PPIL4: variants seen among roughly 807,000 people sequenced by gnomAD.
PPIL4 encodes the protein peptidyl-prolyl cis-trans isomerase-like 4.
A neutral mutation model predicts 69.1 loss-of-function variants in PPIL4; 50 were observed. That is an observed-to-expected ratio of 0.72 (90% CI 0.58 to 0.92). The LOEUF is 0.92. Ranked by LOEUF, PPIL4 falls within the 40% of genes least tolerant of loss-of-function variation. PPIL4 has a pLI of 0.00. For synonymous variants in PPIL4, 193 were observed against 191.6 expected, an observed-to-expected ratio of 1.01 and a Z score of -0.06; for missense variants, 480 against 587.9, an observed-to-expected ratio of 0.82 and a Z score of 1.90.
At chr6:149,543,425 AACATATATGAG>A (rs1158471194) in intron 1 of PPIL4, among the ~76,000 whole-genome samples, 3 of 152,210 alleles carry the variant, frequency 2.0e-5, no homozygotes, top group African/African-American at 7.2e-5. Context: ...AATAGATTAA[AACATATATGAG>A]ACATTTTAAC....
chr6:149,518,522 G>C (rs1218992406), intron 10 of PPIL4, among the ~76,000 whole-genome samples: 2 of 152,094 alleles, frequency 1.3e-5, no homozygotes, highest in Non-Finnish European at 2.9e-5. Context: ...TGATTGTCAG[G>C]GTTTTAAAGG....
intron 9 of PPIL4, 97 bp downstream of exon 9, chr6:149,525,046 G>A: frequency 3.4e-6 from 2 of 585,852 alleles, no homozygotes; most frequent in Non-Finnish European, 3.0e-6. Context: ...AAAAGAAAGG[G>A]CAACTCTAGA....
Position 149,535,602 on chromosome 6 carries a change from T to C in PPIL4, c.458A>G (p.Asp153Gly). 6.2e-7 allele frequency: 1 copy of C among 1,609,384 alleles called. No homozygotes were observed. The highest frequency in any genetic ancestry group is 1.3e-5 in the African/African-American group (1 of 74,840). Residue 153 changes from aspartate to glycine, a missense_variant, in exon 5 of 13, where the codon GAT (aspartate) becomes GGT (glycine). Asp to Gly is a moderately conservative substitution (Grantham distance 94). Transcript: ENST00000253329. ...FVDKDFVPYQ[D>G]IRINHTVILD... ...TAGCAAATTGTAACCATACCTGATA[T>C]CCTGATATGGTACAAAGTCCTTGTC...
At chr6:149,530,288 T>C (rs1777176242) in intron 7 of PPIL4, among the ~76,000 whole-genome samples, 1 of 152,196 alleles carries the variant, frequency 6.6e-6, no homozygotes, top group African/African-American at 2.4e-5. Context: ...AAAATTGCTC[T>C]ACAAATTGTC....
At chr6:149,537,690 A>G (rs1777298857) in intron 4 of PPIL4, among the ~76,000 whole-genome samples, 1 of 151,456 alleles carries the variant, frequency 6.6e-6, no homozygotes, top group African/African-American at 2.4e-5. Flanking sequence ...TGGGCGACAG[A>G]GCAAGACTCC....
chr6:149,539,887 T>C (rs1216603161), intron 4 of PPIL4, among the ~76,000 whole-genome samples: 1 of 152,172 alleles, frequency 6.6e-6, no homozygotes. Context: ...CCCAGCACTT[T>C]GGGAGGCCAA....
intron 8 of PPIL4, among the ~76,000 whole-genome samples, chr6:149,525,980 T>TC (rs1777099965): frequency 6.6e-6 from 1 of 152,042 alleles, no homozygotes; most frequent in Non-Finnish European, 1.5e-5. Flanking sequence ...ATGCCTGTAG[T>TC]CCCAGCTACT....
chr6:149,507,338 T>C (rs946395817), intron 12 of PPIL4, among the ~76,000 whole-genome samples: 12 of 152,248 alleles, frequency 7.9e-5, no homozygotes, highest in African/African-American at 2.9e-4. Flanking sequence ...ATTTGTGATT[T>C]TCCACACAAT....
chr6:149,512,900 G>A (rs575211645), intron 11 of PPIL4, among the ~76,000 whole-genome samples: 5 of 151,566 alleles, frequency 3.3e-5, no homozygotes, highest in East Asian at 3.9e-4. Context: ...ATGCCACCAC[G>A]CCTGACTAAT....
intron 3 of PPIL4, 80 bp from the exon 4 acceptor site, chr6:149,541,139 A>G: frequency 1.4e-6 from 1 of 729,684 alleles, no homozygotes; most frequent in Non-Finnish European, 2.2e-6. Flanking sequence ...AGGGTTATCA[A>G]TTATTTCTTT....
At position 149,540,593 on chromosome 6, in the gene PPIL4, G is replaced by T. The variant is rs545152758; in HGVS notation, c.321+349C>A. Among the ~76,000 whole-genome samples the T allele has an allele frequency of 7.9e-5, 12 of 152,286 alleles. No homozygotes were observed. In the South Asian group the frequency reaches 2.3e-3, roughly 29 times the overall value. On this transcript the variant is annotated intron_variant, in intron 4 of 12. Coordinates refer to ENST00000253329, the MANE Select transcript of PPIL4 (RefSeq NM_139126.4). ...ATTGTGCCATCGCACTCCAGTCTGGGAGACAGAGTGAGACTACATCTCATA... is the reference window on the plus strand; with the variant it reads ...ATTGTGCCATCGCACTCCAGTCTGGTAGACAGAGTGAGACTACATCTCATA...
At chr6:149,528,389 G>A (rs1777141474) in intron 7 of PPIL4, among the ~76,000 whole-genome samples, 1 of 152,076 alleles carries the variant, frequency 6.6e-6, no homozygotes, top group South Asian at 2.1e-4. Flanking sequence ...TATAGTACTT[G>A]GTCAAAGCTA....
chr6:149,526,677 A>G lies in PPIL4; in HGVS notation c.778T>C (p.Phe260Leu), dbSNP rs751840886. 1.2e-6 allele frequency: 2 copies of G among 1,610,864 alleles called. No individual in the cohort carries two copies. The highest frequency in any genetic ancestry group is 4.5e-5 in the East Asian group (2 of 44,744). Residue 260 changes from phenylalanine to leucine, a missense_variant, in exon 8 of 13, where the codon TTC becomes CTC. Phe to Leu is a conservative substitution (Grantham distance 22, BLOSUM62 0). Transcript: ENST00000253329. ...CTTCTTATTGGCCCAAATCTAGAGA[A>G]TATTATTTCCAGATCCTCATCTGTG... Reference protein sequence around the residue: ...VTTDEDLEIIFSRFGPIRSCE... With the variant: ...VTTDEDLEIILSRFGPIRSCE...
In PPIL4 at chr6:149,505,268, T is replaced by C. The variant is rs931960077; in HGVS notation, c.*185A>G. On this transcript the variant is annotated 3_prime_UTR_variant, in exon 13 of 13. Coordinates refer to ENST00000253329, the MANE Select transcript of PPIL4 (RefSeq NM_139126.4). ...ACAATAAAATTAGTGTAAAAAAGTA[T>C]ACAAAGAAAATGTTCAATTCTTTAT... 1.4e-5 allele frequency: 7 copies of C among 495,580 alleles called. No homozygotes were observed. Among genetic ancestry groups the C allele is most frequent in the Admixed American group, 3.8e-5 (1 of 26,168 alleles). The allele number at this position is 495,580 out of a possible 1,614,324, so 30.7% of individuals were successfully genotyped here. A position where few individuals can be genotyped will look rare whatever the true frequency, so the allele number is the denominator to read the frequency against.
chr6:149,545,986 G>C lies in PPIL4; in HGVS notation c.20C>G (p.Thr7Ser). 1.9e-6 allele frequency: 3 copies of C among 1,585,292 alleles called. No individual in the cohort carries two copies. The highest frequency in any genetic ancestry group is 2.6e-6 in the Non-Finnish European group (3 of 1,163,090). The change falls in exon 1 of 13, where the codon ACC (threonine) becomes AGC (serine). Residue 7 changes from threonine (T) to serine (S), a missense_variant. Thr to Ser is a moderately conservative substitution (Grantham distance 58, BLOSUM62 1). Transcript: ENST00000253329. ...GTCGATGACGACGTCGCCTAAAGTGGTCTCCAGTAGAACCGCCATGGCGCC... is the reference window on the plus strand; with the variant it reads ...GTCGATGACGACGTCGCCTAAAGTGCTCTCCAGTAGAACCGCCATGGCGCC... MAVLLE[T>S]TLGDVVIDLY...
At chr6:149,533,690 G>T in intron 6 of PPIL4, 116 bp from the exon 7 acceptor site, 1 of 597,750 alleles carries the variant, frequency 1.7e-6, no homozygotes, top group South Asian at 2.4e-5. Context: ...AACTGATCAA[G>T]GTTGCAGTGA....
intron 10 of PPIL4, 35 bp from the exon 11 acceptor site, chr6:149,517,485 A>G (rs750791550): frequency 9.6e-7 from 1 of 1,041,834 alleles, no homozygotes; most frequent in Non-Finnish European, 1.4e-6. Flanking sequence ...GAGCTTAGTA[A>G]AAAAACCACC....
chr6:149,540,886 G>C, intron 4 of PPIL4, 56 bp downstream of exon 4: 1 of 1,051,672 alleles, frequency 9.5e-7, no homozygotes, highest in Non-Finnish European at 1.4e-6. Context: ...AACTCTGTGG[G>C]CTCCTTCCAG....
rs774724138 is a variant in PPIL4, at chr6:149,505,427, G to A, written c.*26C>T. On this transcript the variant is annotated 3_prime_UTR_variant, in exon 13 of 13. Coordinates refer to ENST00000253329, the MANE Select transcript of PPIL4 (RefSeq NM_139126.4). ...AAGTTAGACAAGAGTAAATATGTTA[G>A]CCTCTCAATTCTGCCTCTTCATCTT... The A allele has an allele frequency of 1.9e-6, 3 of 1,596,088 alleles. No homozygotes were observed. In the South Asian group the frequency reaches 3.4e-5, roughly 18 times the overall value.
Sources: allele counts gnomAD v4.1 joint callset (sites outside exome capture counted in the v4.1 genomes callset), GRCh38; gene constraint gnomAD v4.1.1; transcripts MANE v1.5; gene names NCBI Gene and HGNC (gene_info 2026-07-23, HGNC 2026-07-21).